Variants in DPP10 observed in about 807,000 individuals in gnomAD.
DPP10 encodes the protein dipeptidyl peptidase like 10, also known as inactive dipeptidyl peptidase 10.
A neutral mutation model predicts 120.9 loss-of-function variants in DPP10; 33 were observed. That is an observed-to-expected ratio of 0.27 (90% CI 0.21 to 0.37). The LOEUF is 0.37. DPP10 is among the 10% of genes least tolerant of loss of function. The probability of loss-of-function intolerance (pLI) is 1.00; values close to 1 mark genes in which losing one functional copy is unlikely to be tolerated. For synonymous variants in DPP10, 337 were observed against 326.1 expected, an observed-to-expected ratio of 1.03 and a Z score of -0.36; for missense variants, 816 against 942.8, an observed-to-expected ratio of 0.87 and a Z score of 1.76.
intron 1 of DPP10, among the ~76,000 whole-genome samples, chr2:115,093,752 A>ATATGCATATGT: frequency 6.6e-6 from 1 of 152,086 alleles, no homozygotes; most frequent in Non-Finnish European, 1.5e-5. Context: ...ACTTTAAGAA[A>ATATGCATATGT]ATAAAATTTT....
intron 1 of DPP10, among the ~76,000 whole-genome samples, chr2:114,985,437 G>A (rs1335155065): frequency 6.6e-6 from 1 of 152,182 alleles, no homozygotes; most frequent in African/African-American, 2.4e-5. Context: ...TTGATTACCT[G>A]TGTATTGTCT....
intron 5 of DPP10, among the ~76,000 whole-genome samples, chr2:115,553,987 T>TCTC (rs1475130014): frequency 1.6e-5 from 2 of 125,346 alleles, no homozygotes; most frequent in East Asian, 4.9e-4. Flanking sequence ...GACACCTATC[T>TCTC]CTCTCTCTCT....
chr2:115,116,763 A>G (rs937531805), intron 1 of DPP10, among the ~76,000 whole-genome samples: 2 of 152,090 alleles, frequency 1.3e-5, no homozygotes, highest in Non-Finnish European at 2.9e-5. Flanking sequence ...TTATTGGTAT[A>G]TTTTCTATAA....
At chr2:115,473,627 GT>G (rs772628331) in intron 3 of DPP10, among the ~76,000 whole-genome samples, 2 of 152,168 alleles carry the variant, frequency 1.3e-5, no homozygotes, top group Non-Finnish European at 2.9e-5. Flanking sequence ...CAAAGCCTCT[GT>G]CTGGCTGGCT....
At chr2:114,473,990 C>G (rs1443023980) in intron 1 of DPP10, among the ~76,000 whole-genome samples, 2 of 152,290 alleles carry the variant, frequency 1.3e-5, no homozygotes, top group African/African-American at 4.8e-5. Context: ...TAGAGTCTCT[C>G]TCTGTCGCCC....
chr2:114,470,647 T>C (rs1017216120), intron 1 of DPP10, among the ~76,000 whole-genome samples: 4 of 152,230 alleles, frequency 2.6e-5, no homozygotes, highest in Non-Finnish European at 5.9e-5. Context: ...CTGTGTGTTA[T>C]AGAAATTTAC....
intron 1 of DPP10, among the ~76,000 whole-genome samples, chr2:114,724,287 A>G (rs1184114170): frequency 1.3e-5 from 2 of 152,228 alleles, no homozygotes; most frequent in African/African-American, 4.8e-5. Flanking sequence ...CACACTGGAC[A>G]CCATAACTTA....
chr2:115,826,212 T>A (rs1688299691), intron 21 of DPP10, among the ~76,000 whole-genome samples: 2 of 152,180 alleles, frequency 1.3e-5, no homozygotes, highest in Admixed American at 1.3e-4. Flanking sequence ...TCCATTTTGA[T>A]TTTTAGTCTG....
intron 1 of DPP10, among the ~76,000 whole-genome samples, chr2:114,892,925 A>G (rs1692662709): frequency 6.6e-6 from 1 of 152,200 alleles, no homozygotes; most frequent in Admixed American, 6.5e-5. Context: ...TAGCAGAAGC[A>G]ACTGAAAATC....
intron 5 of DPP10, among the ~76,000 whole-genome samples, chr2:115,537,799 G>T (rs776974600): frequency 1.3e-5 from 2 of 151,906 alleles, no homozygotes; most frequent in Non-Finnish European, 2.9e-5. Context: ...CCACTCGAAG[G>T]CTTAGGTGAT....
intron 5 of DPP10, among the ~76,000 whole-genome samples, chr2:115,678,314 G>C (rs2090421294): frequency 6.6e-6 from 1 of 152,218 alleles, no homozygotes; most frequent in Non-Finnish European, 1.5e-5. Flanking sequence ...CAGGCCCGGG[G>C]CCCCCCTGCT....
chr2:115,143,417 C>T (rs2051037636), intron 1 of DPP10, among the ~76,000 whole-genome samples: 2 of 152,124 alleles, frequency 1.3e-5, no homozygotes, highest in African/African-American at 2.4e-5. Flanking sequence ...ACAATGACAA[C>T]CTGCAGGCTA....
Position 115,722,727 on chromosome 2 carries a change from C to A in DPP10, c.577-5089C>A, listed in dbSNP as rs114786794. On this transcript the variant is annotated intron_variant, in intron 7 of 25. Transcript: ENST00000410059. ...CTTATGTATGTGGTCTGTTACCGAC[C>A]AAAACATTGTAATGCAGTGCATGGC... 4.2e-3 allele frequency among the ~76,000 whole-genome samples: 643 copies of A among 152,164 alleles called. 6 individuals are homozygous for A. The highest frequency in any genetic ancestry group is 0.015 in the African/African-American group (619 of 41,528).
chr2:114,634,695 G>A (rs575009507), intron 1 of DPP10, among the ~76,000 whole-genome samples: 8 of 152,004 alleles, frequency 5.3e-5, no homozygotes, highest in African/African-American at 1.9e-4. Flanking sequence ...GCGTAACAAA[G>A]AATAGAGATA....
intron 5 of DPP10, among the ~76,000 whole-genome samples, chr2:115,644,083 A>C (rs936272894): frequency 8.5e-5 from 13 of 152,064 alleles, no homozygotes; most frequent in African/African-American, 2.7e-4. Context: ...CTGCACATCA[A>C]CTGTGGTTCC....
At chr2:115,550,308 T>C (rs2079795496) in intron 5 of DPP10, among the ~76,000 whole-genome samples, 1 of 152,168 alleles carries the variant, frequency 6.6e-6, no homozygotes, top group African/African-American at 2.4e-5. Context: ...CAATGGCTAA[T>C]GTAGCTGAGT....
At chr2:114,685,640 A>G (rs1258864165) in intron 1 of DPP10, among the ~76,000 whole-genome samples, 1 of 151,964 alleles carries the variant, frequency 6.6e-6, no homozygotes, top group Non-Finnish European at 1.5e-5. Context: ...CATGTTTAGC[A>G]AATGTCACTA....
chr2:114,977,169 AAT>A (rs1288027442), intron 1 of DPP10, among the ~76,000 whole-genome samples: 1 of 152,090 alleles, frequency 6.6e-6, no homozygotes, highest in Non-Finnish European at 1.5e-5. Context: ...GTTTATATTA[AAT>A]ATGTTTACAT....
chr2:115,446,645 T>A (rs1326809117), intron 3 of DPP10, among the ~76,000 whole-genome samples: 1 of 152,130 alleles, frequency 6.6e-6, no homozygotes, highest in East Asian at 1.9e-4. Flanking sequence ...GAGAGACTTT[T>A]TGTGTCTATT....
Sources: gnomAD v4.1 joint callset for allele counts (sites outside exome capture counted in the v4.1 genomes callset) on GRCh38, gnomAD v4.1.1 for gene constraint, MANE v1.5 for transcripts, NCBI Gene and HGNC (gene_info 2026-07-23, HGNC 2026-07-21) for gene names.